Variants in UBASH3B observed in about 807,000 individuals in gnomAD.
UBASH3B encodes ubiquitin associated and SH3 domain containing B, also known as ubiquitin-associated and SH3 domain-containing protein B.
In UBASH3B, 37 loss-of-function variants were observed where a neutral mutation model predicts 83.4. The ratio of observed to expected loss-of-function variants is 0.44; its 90% CI spans 0.34 to 0.58. The LOEUF (loss-of-function observed/expected upper bound fraction) is 0.58, where lower values mean the gene tolerates loss of function less well. Ranked by LOEUF, UBASH3B falls within the 20% of genes least tolerant of loss-of-function variation. The pLI, the probability that UBASH3B is intolerant of heterozygous loss-of-function variation, is 0.01. For missense variants in UBASH3B, 657 were observed against 827.2 expected (o/e 0.79, Z 2.52); for synonymous variants, 304 against 318.3 (o/e 0.96, Z 0.48).
chr11:122,674,751 C>T (rs1326269915), intron 1 of UBASH3B, among the ~76,000 whole-genome samples: 3 of 103,780 alleles, frequency 2.9e-5, no homozygotes, highest in East Asian at 3.0e-4. Context: ...TTTTTTGAGG[C>T]GGAGTCTCGC....
Position 122,675,144 on chromosome 11 carries a change from C to T in UBASH3B, c.161+18934C>T, listed in dbSNP as rs115503959. ...ACCCAAGTTTTCCTGGCTCCAAAAA[C>T]CTTTTATTAGACCCGTGTTTATGGT... On this transcript the variant is annotated intron_variant, in intron 1 of 13. Coordinates refer to ENST00000284273, the MANE Select transcript of UBASH3B (RefSeq NM_032873.5). Among the ~76,000 whole-genome samples the T allele has an allele frequency of 1.8e-3, 279 of 152,286 alleles. 1 individual carries two copies. Among genetic ancestry groups the T allele is most frequent in the African/African-American group, 6.3e-3 (260 of 41,566 alleles).
chr11:122,789,061 T>C (rs781735388), intron 5 of UBASH3B, 39 bp from the exon 6 acceptor site: 25 of 1,578,074 alleles, frequency 1.6e-5, no homozygotes, highest in African/African-American at 1.3e-5. Context: ...AGGAGAATGG[T>C]GAGGCATGGG....
At chr11:122,786,678 C>CAA (rs1391447227) in intron 5 of UBASH3B, among the ~76,000 whole-genome samples, 2 of 152,112 alleles carry the variant, frequency 1.3e-5, no homozygotes, top group Non-Finnish European at 2.9e-5. Context: ...AGAGTTCTTA[C>CAA]AAGTAGATGG....
In UBASH3B at chr11:122,796,136, T is replaced by TGTG; in HGVS notation, c.1114-20_1114-19insGTG. ...ACTTTGCCATGTGTGTCTTCACTAA[T>TGTG]AGCCTTTCTTTCTCTGCAGCCGCTG... On this transcript the variant is annotated intron_variant, in intron 7 of 13. Coordinates refer to ENST00000284273, the MANE Select transcript of UBASH3B (RefSeq NM_032873.5). 1 of 1,613,566 alleles carries TGTG rather than the reference T, an allele frequency of 6.2e-7. No homozygotes were observed. Among genetic ancestry groups the TGTG allele is most frequent in the Non-Finnish European group, 8.5e-7 (1 of 1,179,682 alleles).
chr11:122,749,785 T>A (rs940243487), intron 1 of UBASH3B, among the ~76,000 whole-genome samples: 2 of 152,242 alleles, frequency 1.3e-5, no homozygotes, highest in African/African-American at 4.8e-5. Context: ...CAGGCTGCAA[T>A]GCAGTGGCGC....
intron 1 of UBASH3B, among the ~76,000 whole-genome samples, chr11:122,687,917 A>C (rs1863828931): frequency 6.6e-6 from 1 of 152,160 alleles, no homozygotes; most frequent in Admixed American, 6.5e-5. Flanking sequence ...ATGATATCAT[A>C]ATAGTTGAGC....
chr11:122,797,193 C>T, intron 9 of UBASH3B, 160 bp downstream of exon 9: 1 of 1,011,666 alleles, frequency 9.9e-7, no homozygotes, highest in South Asian at 1.7e-5. Context: ...AAGTTTAGGA[C>T]ACTGTGCTCA....
rs765046434 is a variant in UBASH3B at position 122,656,142 on chromosome 11, C to T, written c.93C>T (p.Arg31=). 6 of 1,589,596 alleles carry T rather than the reference C, an allele frequency of 3.8e-6. No individual in the cohort carries two copies. The Admixed American group carries it at 8.7e-5, about 23-fold the overall frequency. The change falls in exon 1 of 14, where the codon CGC becomes CGT. Residue 31 remains arginine (R), a synonymous_variant. Coordinates refer to ENST00000284273, the MANE Select transcript of UBASH3B (RefSeq NM_032873.5). The part of the protein sequence containing the change: ...KVTPRRNRQQ[R]PGTIKHGSAL... ...CCCCCCGGAGGAACCGCCAACAGCG[C>T]CCCGGCACCATCAAGCATGGATCGG...
At chr11:122,659,536 G>A (rs1216464917) in intron 1 of UBASH3B, among the ~76,000 whole-genome samples, 7 of 152,144 alleles carry the variant, frequency 4.6e-5, no homozygotes, top group South Asian at 2.1e-4. Flanking sequence ...AGGGGCCCTC[G>A]GAGGCTTCAG....
intron 1 of UBASH3B, among the ~76,000 whole-genome samples, chr11:122,742,004 C>G (rs1193927979): frequency 6.6e-6 from 1 of 152,220 alleles, no homozygotes; most frequent in African/African-American, 2.4e-5. Flanking sequence ...CCTCTCTGGT[C>G]TGATGGTGGA....
chr11:122,696,457 C>T (rs1268312473), intron 1 of UBASH3B, among the ~76,000 whole-genome samples: 2 of 151,554 alleles, frequency 1.3e-5, no homozygotes, highest in Middle Eastern at 3.4e-3. Context: ...ATTATAGGCA[C>T]CTGCCACCAT....
intron 1 of UBASH3B, among the ~76,000 whole-genome samples, chr11:122,672,806 A>T (rs539505223): frequency 7.2e-5 from 11 of 152,080 alleles, no homozygotes; most frequent in Non-Finnish European, 1.5e-4. Context: ...CCTCAGAAGG[A>T]CCCAAGCATT....
At chr11:122,799,086 C>T (rs1440885080) in intron 10 of UBASH3B, 52 bp downstream of exon 10, 1 of 1,418,838 alleles carries the variant, frequency 7.0e-7, no homozygotes, top group Non-Finnish European at 9.9e-7. Context: ...TCTTTCTAGG[C>T]AGCCCCACAC....
rs1033220388 is a variant in UBASH3B, at chr11:122,699,566, T to TTTCTTTCC, written c.161+43363_161+43364insCTTCTTTC. On this transcript the variant is annotated intron_variant, in intron 1 of 13. Transcript: ENST00000284273. ...CTTTCTTTCTTTCTTTCTTTCTTTC[T>TTTCTTTCC]TTCTTTCTTTTCTTTCTTTCCTTTC... is the stretch of plus-strand genomic sequence containing the variant. 2.8e-3 allele frequency among the ~76,000 whole-genome samples: 379 copies of TTTCTTTCC among 135,722 alleles called. 8 individuals carry two copies. In the East Asian group the frequency reaches 0.054, roughly 19 times the overall value. 89.0% of individuals were successfully genotyped at this position (135,722 alleles called of 152,430 possible).
At chr11:122,735,426 G>A (rs999726152) in intron 1 of UBASH3B, among the ~76,000 whole-genome samples, 1 of 152,184 alleles carries the variant, frequency 6.6e-6, no homozygotes, top group Non-Finnish European at 1.5e-5. Flanking sequence ...GAAATGCAAT[G>A]CTAGATGAAC....
At chr11:122,667,027 T>A (rs1006194928) in intron 1 of UBASH3B, among the ~76,000 whole-genome samples, 4 of 148,716 alleles carry the variant, frequency 2.7e-5, no homozygotes, top group Non-Finnish European at 5.9e-5. Flanking sequence ...AATCCCCTGA[T>A]AATGGCATTC....
chr11:122,752,010 AAATT>A (rs1861207289), intron 1 of UBASH3B, among the ~76,000 whole-genome samples: 1 of 152,234 alleles, frequency 6.6e-6, no homozygotes, highest in Non-Finnish European at 1.5e-5. Flanking sequence ...AAAAAAGGGA[AAATT>A]AATTATTTTA....
intron 1 of UBASH3B, among the ~76,000 whole-genome samples, chr11:122,730,422 A>G (rs1860822965): frequency 6.6e-6 from 1 of 151,882 alleles, no homozygotes; most frequent in Non-Finnish European, 1.5e-5. Flanking sequence ...CATCCTTGGT[A>G]TTTTCCATTC....
intron 1 of UBASH3B, among the ~76,000 whole-genome samples, chr11:122,757,709 C>CT (rs781180822): frequency 0.052 from 4,795 of 92,074 alleles, 246 homozygotes; most frequent in African/African-American, 0.12. Flanking sequence ...CTTCTTTTCC[C>CT]TTTTTTTTTT....
Sources: allele counts gnomAD v4.1 joint callset (sites outside exome capture counted in the v4.1 genomes callset), GRCh38; gene constraint gnomAD v4.1.1; transcripts MANE v1.5; gene names NCBI Gene and HGNC (gene_info 2026-07-23, HGNC 2026-07-21).